Variants in PCOLCE observed in about 807,000 individuals in gnomAD.
PCOLCE encodes the protein procollagen C-endopeptidase enhancer.
PCOLCE carries 33 observed loss-of-function variants against 47.2 expected under a neutral mutation model. The observed-to-expected ratio is 0.70, with a 90% confidence interval of 0.53 to 0.93. PCOLCE has a LOEUF of 0.93. Ranked by LOEUF, PCOLCE falls within the 40% of genes least tolerant of loss-of-function variation. PCOLCE has a pLI of 0.00. For synonymous variants in PCOLCE, 254 were observed against 252.5 expected, an observed-to-expected ratio of 1.01 and a Z score of -0.06; for missense variants, 584 against 585.3, an observed-to-expected ratio of 1.00 and a Z score of 0.02.
At position 100,603,413 on chromosome 7, in the gene PCOLCE, C is replaced by A; in HGVS notation, c.96-17C>A. 1.4e-6 allele frequency: 2 copies of A among 1,450,322 alleles called. No homozygotes were observed. The highest frequency in any genetic ancestry group is 9.6e-7 in the Non-Finnish European group (1 of 1,039,780). The allele number at this position is 1,450,322 out of a possible 1,614,324, so 89.8% of individuals were successfully genotyped here. Reference sequence around the variant, plus strand: ...CACCCGTCCCTGCTCTTTCCTGACCCCTTTTCTGTTCTCCAGACCCGTGTT... The same window carrying A: ...CACCCGTCCCTGCTCTTTCCTGACCACTTTTCTGTTCTCCAGACCCGTGTT... On this transcript the variant is annotated splice_polypyrimidine_tract_variant and intron_variant, in intron 1 of 8. Transcript: ENST00000223061.
chr7:100,603,883 G>A, intron 2 of PCOLCE, 76 bp from the exon 3 acceptor site: 2 of 1,538,050 alleles, frequency 1.3e-6, no homozygotes, highest in Non-Finnish European at 8.8e-7. Context: ...GAAACGCTTG[G>A]GGCAGGGGAG....
At chr7:100,603,077 T>A in intron 1 of PCOLCE, 1 of 249,236 alleles carries the variant, frequency 4.0e-6, no homozygotes, top group Non-Finnish European at 7.6e-6. Context: ...TGTCCACATC[T>A]GGAAGTAGTT....
chr7:100,603,907 G>C, intron 2 of PCOLCE, 52 bp from the exon 3 acceptor site: 1 of 1,580,236 alleles, frequency 6.3e-7, no homozygotes, highest in Non-Finnish European at 8.6e-7. Context: ...CCCTCTGGCT[G>C]GGTTGTGTGG....
At position 100,605,720 on chromosome 7, in the gene PCOLCE, C is replaced by G. The variant is rs1216281991; in HGVS notation, c.633C>G (p.Thr211=). The change falls in exon 5 of 9, where the codon ACC becomes ACG. Residue 211 remains threonine, a synonymous_variant. Transcript: ENST00000223061. The surrounding 1 kb of genome is among the most constrained non-coding windows in gnomAD (Gnocchi z 6.1). ...AGAAGTTTGACCTGGAGCCGGACAC[C>G]TACTGCCGCTATGACTCGGTCAGCG... ...TFEKFDLEPD[T]YCRYDSVSVF... The G allele has an allele frequency of 1.3e-6, 2 of 1,575,908 alleles. No individual in the cohort carries two copies. Among genetic ancestry groups the G allele is most frequent in the East Asian group, 4.7e-5 (2 of 42,710 alleles).
Position 100,607,489 on chromosome 7 carries a change from C to T in PCOLCE, c.978C>T (p.Gly326=), listed in dbSNP as rs1802737823. 5 of 1,614,126 alleles carry T rather than the reference C, an allele frequency of 3.1e-6. No homozygotes were observed. The highest frequency in any genetic ancestry group is 4.2e-6 in the Non-Finnish European group (5 of 1,179,996). The change falls in exon 7 of 9, where the codon GGC becomes GGT. Residue 326 remains glycine (G), a synonymous_variant. Coordinates refer to ENST00000223061, the MANE Select transcript of PCOLCE (RefSeq NM_002593.4). ...GCCCAAAGCAGTGCCGCCGGACAGG[C>T]ACCTTGCAGAGCAACTTCTGTGCCA... The part of the protein sequence containing the change: ...PTCPKQCRRT[G]TLQSNFCASS...
Position 100,604,200 on chromosome 7 carries a change from G to C in PCOLCE, c.446G>C (p.Arg149Pro). Residue 149 changes from arginine to proline, a missense_variant, in exon 3 of 9, where the codon CGG becomes CCG. Physicochemically the swap from Arg to Pro is moderately radical, Grantham distance 103 (BLOSUM62 -2). Transcript: ENST00000223061. This position sits in a 1 kb window ranked among gnomAD's most constrained non-coding sequence, Gnocchi z 6.4. Reference sequence around the variant, plus strand: ...GGCTTCCTGCTCTGGTACAGCGGGCGGGCCACCTCGGGCACTGGTGAGAAC... The same window carrying C: ...GGCTTCCTGCTCTGGTACAGCGGGCCGGCCACCTCGGGCACTGGTGAGAAC... The part of the protein sequence containing the change: ...GRGFLLWYSG[R>P]ATSGTEHQFC... 1.9e-6 allele frequency: 3 copies of C among 1,611,660 alleles called. No individual in the cohort carries two copies. Among genetic ancestry groups the C allele is most frequent in the South Asian group, 2.2e-5 (2 of 91,046 alleles).
intron 8 of PCOLCE, 27 bp from the exon 9 acceptor site, chr7:100,607,910 A>C (rs1802745051): frequency 6.2e-7 from 1 of 1,613,600 alleles, no homozygotes; most frequent in South Asian, 1.1e-5. Context: ...AGAATAAGAG[A>C]TCTCAACCCC....
rs202051372 is a variant in PCOLCE at position 100,607,777 on chromosome 7, C to T, written c.1153C>T (p.Pro385Ser). 1.5e-5 allele frequency: 24 copies of T among 1,614,090 alleles called. No individual in the cohort carries two copies. In the African/African-American group the frequency reaches 3.2e-4, roughly 22 times the overall value. ...TGGTGCCTCCCTGAAGTTTTACGTG[C>T]CTTGCAAGCAGTGCCCCCCCATGAA... ...PTGASLKFYVPCKQCPPMKKG... is the reference protein window; with the variant it reads ...PTGASLKFYVSCKQCPPMKKG... The change falls in exon 8 of 9, where the codon CCT becomes TCT. Residue 385 changes from proline to serine, a missense_variant. By Grantham distance (74) the Pro-to-Ser change is moderately conservative (BLOSUM62 -1). Coordinates refer to ENST00000223061, the MANE Select transcript of PCOLCE (RefSeq NM_002593.4).
chr7:100,606,893 C>A (rs918396381), intron 6 of PCOLCE, among the ~76,000 whole-genome samples: 1 of 152,128 alleles, frequency 6.6e-6, no homozygotes, highest in African/African-American at 2.4e-5. Flanking sequence ...GAGTTCAAGA[C>A]CACCCCGGCT....
rs373672035 is a variant in PCOLCE at position 100,605,221 on chromosome 7, G to A, written c.588+6G>A. The A allele has an allele frequency of 3.2e-5, 52 of 1,609,534 alleles. No homozygotes were observed. Among genetic ancestry groups the A allele is most frequent in the Non-Finnish European group, 4.1e-5 (48 of 1,177,500 alleles). On this transcript the variant is annotated splice_donor_region_variant and intron_variant, in intron 4 of 8. Coordinates refer to ENST00000223061, the MANE Select transcript of PCOLCE (RefSeq NM_002593.4). This position sits in a 1 kb window ranked among gnomAD's most constrained non-coding sequence, Gnocchi z 6.1. ...TCATCGCGCCCCCGGACCAGGTACC[G>A]ACCCTCCTCCCCGGGCTGCCCTAGG...
In PCOLCE at chr7:100,603,961, C is replaced by T; in HGVS notation, c.207C>T (p.Val69=). 6.2e-7 allele frequency: 1 copy of T among 1,600,614 alleles called. No individual in the cohort carries two copies. Among genetic ancestry groups the T allele is most frequent in the Non-Finnish European group, 8.5e-7 (1 of 1,179,436 alleles). The change falls in exon 3 of 9, where the codon GTC becomes GTT. Residue 69 remains valine, a splice_region_variant and synonymous_variant. Transcript: ENST00000223061. ...CCCGCCTCTGTCCCCGCTATCAGGT[C>T]CCCGAGGGCCAGACTGTGTCCCTCT... ...PNKECIWTIT[V]PEGQTVSLSF... is the part of the protein sequence containing the mutation.
At position 100,605,704 on chromosome 7, in the gene PCOLCE, A is replaced by T. The variant is rs1802702207; in HGVS notation, c.617A>T (p.Asp206Val). 6.3e-7 allele frequency: 1 copy of T among 1,581,628 alleles called. No individual in the cohort carries two copies. The highest frequency in any genetic ancestry group is 8.6e-7 in the Non-Finnish European group (1 of 1,164,314). ...ATCGCGCTGACCTTCGAGAAGTTTG[A>T]CCTGGAGCCGGACACCTACTGCCGC... is the stretch of plus-strand genomic sequence containing the variant. ...QVIALTFEKF[D>V]LEPDTYCRYD... The change falls in exon 5 of 9, where the codon GAC becomes GTC. Residue 206 changes from aspartate (D) to valine (V), a missense_variant. Transcript: ENST00000223061. This position sits in a 1 kb window ranked among gnomAD's most constrained non-coding sequence, Gnocchi z 6.1.
chr7:100,603,752 C>T (rs764025958), intron 2 of PCOLCE: 145 of 622,908 alleles, frequency 2.3e-4, no homozygotes, highest in Non-Finnish European at 3.9e-4. Flanking sequence ...CCCCGGCCCT[C>T]CCTCCTCTTC....
chr7:100,603,638 T>G, intron 2 of PCOLCE, 100 bp downstream of exon 2: 1 of 415,200 alleles, frequency 2.4e-6, no homozygotes. Context: ...CACCACCTTC[T>G]CAACCTGGGG....
Position 100,603,485 on chromosome 7 carries a change from G to A in PCOLCE, c.151G>A (p.Glu51Lys). Residue 51 changes from glutamate (E) to lysine (K), a missense_variant, in exon 2 of 9, where the codon GAG (glutamate) becomes AAG (lysine). Coordinates refer to ENST00000223061, the MANE Select transcript of PCOLCE (RefSeq NM_002593.4). ...GGGGGAATCAGGTTACGTGGCAAGT[G>A]AGGGGTTCCCCAACCTCTACCCCCC... ...VKGESGYVAS[E>K]GFPNLYPPNK... 1 of 1,607,432 alleles carries A rather than the reference G, an allele frequency of 6.2e-7. No homozygotes were observed. The highest frequency in any genetic ancestry group is 1.1e-5 in the South Asian group (1 of 90,374).
Position 100,603,462 on chromosome 7 carries a change from G to T in PCOLCE, c.128G>T (p.Gly43Val). The T allele has an allele frequency of 1.2e-6, 2 of 1,606,652 alleles. No individual in the cohort carries two copies. The highest frequency in any genetic ancestry group is 1.7e-6 in the Non-Finnish European group (2 of 1,176,326). Residue 43 changes from glycine to valine, a missense_variant, in exon 2 of 9, where the codon GGG becomes GTG. Transcript: ENST00000223061. ...PVFLCGGDVK[G>V]ESGYVASEGF... ...TTCCTGTGCGGAGGGGATGTGAAGGGGGAATCAGGTTACGTGGCAAGTGAG... is the reference window on the plus strand; with the variant it reads ...TTCCTGTGCGGAGGGGATGTGAAGGTGGAATCAGGTTACGTGGCAAGTGAG...
intron 1 of PCOLCE, 111 bp downstream of exon 1, chr7:100,602,662 G>A: frequency 1.4e-6 from 1 of 728,906 alleles, no homozygotes; most frequent in South Asian, 1.5e-5. Context: ...CCACTCCCCA[G>A]ATTCCCCACC....
chr7:100,607,488 G>C lies in PCOLCE; in HGVS notation c.977G>C (p.Gly326Ala). 6.2e-7 allele frequency: 1 copy of C among 1,614,040 alleles called. No individual in the cohort carries two copies. The highest frequency in any genetic ancestry group is 2.2e-5 in the East Asian group (1 of 44,872). ...TGCCCAAAGCAGTGCCGCCGGACAG[G>C]CACCTTGCAGAGCAACTTCTGTGCC... ...PTCPKQCRRTGTLQSNFCASS... is the reference protein window; with the variant it reads ...PTCPKQCRRTATLQSNFCASS... Residue 326 changes from glycine (G) to alanine (A), a missense_variant, in exon 7 of 9, where the codon GGC (glycine) becomes GCC (alanine). Transcript: ENST00000223061.
chr7:100,603,777 T>G (rs1802656823), intron 2 of PCOLCE, 182 bp from the exon 3 acceptor site: 3 of 668,496 alleles, frequency 4.5e-6, no homozygotes, highest in Non-Finnish European at 7.6e-6. Context: ...GCCTCAGCTC[T>G]TGTCCCCTGC....
Sources: gnomAD v4.1 joint callset for allele counts (sites outside exome capture counted in the v4.1 genomes callset) on GRCh38, gnomAD v4.1.1 for gene constraint, Gnocchi (gnomAD v3.1) non-coding constraint, MANE v1.5 for transcripts, NCBI Gene and HGNC (gene_info 2026-07-23, HGNC 2026-07-21) for gene names.